The following DCC variants were observed in gnomAD, a reference collection of about 807,000 sequenced individuals.
DCC encodes the protein DCC netrin 1 receptor.
DCC carries 58 observed loss-of-function variants against 172.5 expected under a neutral mutation model. That is an observed-to-expected ratio of 0.34 (90% CI 0.27 to 0.42). The LOEUF is 0.42. DCC is among the 10% of genes least tolerant of loss of function. The pLI is 1.00. For synonymous variants in DCC, 709 were observed against 644.5 expected (o/e 1.10, Z -1.52); for missense variants, 1,740 against 1,791.0 (o/e 0.97, Z 0.51).
intron 1 of DCC, among the ~76,000 whole-genome samples, chr18:52,554,186 A>C (rs970394630): frequency 7.2e-5 from 11 of 152,096 alleles, no homozygotes; most frequent in Admixed American, 7.2e-4. Flanking sequence ...TTAAAGGAAA[A>C]ATGGCAGATA....
At chr18:53,323,214 A>G (rs1432406568) in intron 14 of DCC, among the ~76,000 whole-genome samples, 1 of 151,670 alleles carries the variant, frequency 6.6e-6, no homozygotes. Flanking sequence ...TTACTTTCTC[A>G]TGTCATCCTT....
chr18:53,293,342 A>C (rs1323618415), intron 12 of DCC, among the ~76,000 whole-genome samples: 1 of 152,222 alleles, frequency 6.6e-6, no homozygotes, highest in Non-Finnish European at 1.5e-5. Flanking sequence ...AACATCTAAT[A>C]AGATTTTCTA....
intron 1 of DCC, among the ~76,000 whole-genome samples, chr18:52,427,804 T>TTTTCTTCCTTTCTTCC (rs879446291): frequency 2.2e-5 from 3 of 136,836 alleles, no homozygotes; most frequent in East Asian, 2.2e-4. Context: ...ACTAACTTTC[T>TTTTCTTCCTTTCTTCC]TTTCTTCCTT....
At chr18:52,729,418 C>A (rs936807106) in intron 1 of DCC, among the ~76,000 whole-genome samples, 6 of 152,084 alleles carry the variant, frequency 3.9e-5, no homozygotes, top group African/African-American at 1.4e-4. Flanking sequence ...CACCACTGCA[C>A]CTGCCTAATA....
chr18:53,104,738 G>A (rs1598805992), intron 7 of DCC, among the ~76,000 whole-genome samples: 2 of 152,050 alleles, frequency 1.3e-5, no homozygotes, highest in African/African-American at 2.4e-5. Context: ...ATTAACCAAT[G>A]AGTAAGCTGC....
At chr18:52,660,850 C>T (rs565382909) in intron 1 of DCC, among the ~76,000 whole-genome samples, 1 of 152,266 alleles carries the variant, frequency 6.6e-6, no homozygotes, top group East Asian at 1.9e-4. Flanking sequence ...CCAGCCTATT[C>T]CTATCATGCC....
intron 5 of DCC, among the ~76,000 whole-genome samples, chr18:52,998,706 A>G (rs949916760): frequency 5.9e-5 from 9 of 152,108 alleles, no homozygotes; most frequent in African/African-American, 2.2e-4. Flanking sequence ...CTGACTGTCA[A>G]CAATGATCCT....
intron 5 of DCC, among the ~76,000 whole-genome samples, chr18:52,964,590 A>T (rs2040898606): frequency 6.6e-6 from 1 of 152,114 alleles, no homozygotes; most frequent in Non-Finnish European, 1.5e-5. Flanking sequence ...TAGTTTAAAA[A>T]GTCTCTATAA....
rs183638783 is a variant in DCC at position 53,000,612 on chromosome 18, A to G, written c.986-62693A>G. ...TTTTTTTTTTTTTTTTTTTTTTTTA[A>G]CATCCAGAATCCAACAGGCCAACAA... On this transcript the variant is annotated intron_variant, in intron 5 of 28. Transcript: ENST00000442544. Among the ~76,000 whole-genome samples the G allele has an allele frequency of 1.8e-3, 223 of 125,292 alleles. 1 individual carries two copies. The highest frequency in any genetic ancestry group is 6.6e-3 in the African/African-American group (210 of 31,962). 82.2% of individuals were successfully genotyped at this position (125,292 alleles called of 152,430 possible). A position where few individuals can be genotyped will look rare whatever the true frequency, so the allele number is the denominator to read the frequency against.
chr18:52,600,889 T>A (rs1003340314), intron 1 of DCC, among the ~76,000 whole-genome samples: 4 of 152,158 alleles, frequency 2.6e-5, no homozygotes, highest in Non-Finnish European at 4.4e-5. Context: ...TTTCAATGTG[T>A]TAAAAGTCTC....
rs2033365493 is a variant in DCC at position 52,574,428 on chromosome 18, C to T, written c.92-177626C>T. 2.6e-5 allele frequency among the ~76,000 whole-genome samples: 4 copies of T among 152,150 alleles called. No individual in the cohort carries two copies. The South Asian group carries it at 8.3e-4, about 32-fold the overall frequency. ...CCATCAATAATAGCAATATCTCTTT[C>T]CAGCAACACCCATTTTCCTTAAGGC... On this transcript the variant is annotated intron_variant, in intron 1 of 28. Coordinates refer to ENST00000442544, the MANE Select transcript of DCC (RefSeq NM_005215.4).
intron 1 of DCC, among the ~76,000 whole-genome samples, chr18:52,635,817 C>G (rs1238899514): frequency 3.2e-5 from 2 of 61,562 alleles, no homozygotes; most frequent in East Asian, 4.8e-4. Flanking sequence ...GAATTAAACT[C>G]CCCCCAAAAA....
intron 1 of DCC, among the ~76,000 whole-genome samples, chr18:52,511,220 G>A (rs1023055612): frequency 3.4e-5 from 5 of 146,578 alleles, no homozygotes; most frequent in East Asian, 2.0e-4. Context: ...GGCAGACATC[G>A]CAGTGAGCTG....
rs555861711 is a variant in DCC, at chr18:53,107,381, G to A, written c.1261+41215G>A. ...ACTGTCTTTTATGTTCTTAAATTGG[G>A]CCCATTTTTCTGGCCTTTCAAAAGA... On this transcript the variant is annotated intron_variant, in intron 7 of 28. Transcript: ENST00000442544. 8.6e-5 allele frequency among the ~76,000 whole-genome samples: 13 copies of A among 151,690 alleles called. No individual in the cohort carries two copies. The South Asian group carries it at 2.7e-3, about 32-fold the overall frequency.
At chr18:52,508,935 C>T (rs1188848432) in intron 1 of DCC, among the ~76,000 whole-genome samples, 1 of 152,236 alleles carries the variant, frequency 6.6e-6, no homozygotes, top group East Asian at 1.9e-4. Flanking sequence ...TAGCCACTGG[C>T]CACGTGTGCC....
At chr18:52,908,316 A>T (rs766166824) in intron 3 of DCC, among the ~76,000 whole-genome samples, 1 of 152,236 alleles carries the variant, frequency 6.6e-6, no homozygotes, top group Non-Finnish European at 1.5e-5. Flanking sequence ...ATGTATCAAT[A>T]ACCATTGGTA....
intron 1 of DCC, among the ~76,000 whole-genome samples, chr18:52,595,739 A>C (rs1038283624): frequency 6.6e-6 from 1 of 152,138 alleles, no homozygotes; most frequent in Middle Eastern, 3.2e-3. Flanking sequence ...CTCAGCTGGT[A>C]TATTATTTTT....
intron 1 of DCC, among the ~76,000 whole-genome samples, chr18:52,476,303 C>T (rs1989092130): frequency 1.3e-5 from 2 of 152,140 alleles, no homozygotes; most frequent in South Asian, 4.2e-4. Context: ...TTCAAATCAC[C>T]TGGCTGTCGG....
At chr18:52,619,862 C>T (rs2034448726) in intron 1 of DCC, among the ~76,000 whole-genome samples, 1 of 152,154 alleles carries the variant, frequency 6.6e-6, no homozygotes, top group Non-Finnish European at 1.5e-5. Context: ...AAATTGAGTC[C>T]ATTGGAAAAG....
Sources: allele counts gnomAD v4.1 joint callset (sites outside exome capture counted in the v4.1 genomes callset), GRCh38; gene constraint gnomAD v4.1.1; transcripts MANE v1.5; gene names NCBI Gene and HGNC (gene_info 2026-07-23, HGNC 2026-07-21).